Variants in PDE7B observed in about 807,000 individuals in gnomAD.
PDE7B encodes the protein phosphodiesterase 7B, also known as 3',5'-cyclic-AMP phosphodiesterase 7B.
In PDE7B, 29 loss-of-function variants were observed where a neutral mutation model predicts 56.2. The observed-to-expected ratio is 0.52, with a 90% confidence interval of 0.38 to 0.70. The LOEUF is 0.70. Among genes scored for constraint, PDE7B ranks in the 30% least tolerant of loss-of-function variants. The probability of loss-of-function intolerance (pLI) is 0.00; values close to 1 mark genes in which losing one functional copy is unlikely to be tolerated. For missense variants in PDE7B, 490 were observed against 565.0 expected, an observed-to-expected ratio of 0.87 and a Z score of 1.35; for synonymous variants, 197 against 196.9, an observed-to-expected ratio of 1.00 and a Z score of 0.00.
chr6:135,877,491 C>T (rs1775520546), intron 1 of PDE7B, among the ~76,000 whole-genome samples: 1 of 151,356 alleles, frequency 6.6e-6, no homozygotes, highest in East Asian at 1.9e-4. Context: ...AAGAAATTGG[C>T]TTGTCACTTC....
chr6:136,144,719 T>C (rs1778386685), intron 3 of PDE7B, among the ~76,000 whole-genome samples: 3 of 152,148 alleles, frequency 2.0e-5, no homozygotes, highest in Admixed American at 1.3e-4. Context: ...TTTCATGATA[T>C]TGACATTTTT....
chr6:136,069,786 T>C (rs529603842), intron 2 of PDE7B, among the ~76,000 whole-genome samples: 49 of 152,304 alleles, frequency 3.2e-4, no homozygotes, highest in Non-Finnish European at 6.0e-4. Context: ...TGAATTGCCT[T>C]GGTAAAAATA....
chr6:135,953,186 C>G (rs1185719581), intron 2 of PDE7B, among the ~76,000 whole-genome samples: 2 of 151,584 alleles, frequency 1.3e-5, no homozygotes, highest in African/African-American at 2.4e-5. Flanking sequence ...TTTTTTGGAA[C>G]TTTGTCAGCT....
At chr6:136,110,671 C>T (rs989863261) in intron 3 of PDE7B, among the ~76,000 whole-genome samples, 2 of 149,630 alleles carry the variant, frequency 1.3e-5, no homozygotes, top group African/African-American at 2.5e-5. Context: ...GCAGGTGGGA[C>T]AGTGGAATAT....
At chr6:135,974,102 G>C (rs1422640335) in intron 2 of PDE7B, among the ~76,000 whole-genome samples, 1 of 152,158 alleles carries the variant, frequency 6.6e-6, no homozygotes, top group African/African-American at 2.4e-5. Flanking sequence ...CAGATGCCTA[G>C]AGCAAGGCTA....
chr6:136,004,562 G>A (rs1775740065), intron 2 of PDE7B, among the ~76,000 whole-genome samples: 1 of 151,842 alleles, frequency 6.6e-6, no homozygotes, highest in Middle Eastern at 3.4e-3. Context: ...ACCAATAACA[G>A]ACAAACAGAG....
intron 2 of PDE7B, among the ~76,000 whole-genome samples, chr6:136,087,359 CATAAGAAAAAT>C (rs1422937775): frequency 1.3e-5 from 2 of 151,682 alleles, no homozygotes; most frequent in Non-Finnish European, 2.9e-5. Flanking sequence ...CAATGACAGA[CATAAGAAAAAT>C]ATAAGAATAA....
chr6:135,947,636 C>CT lies in PDE7B; in HGVS notation c.82+116dup, dbSNP rs1774616603. On this transcript the variant is annotated intron_variant, in intron 2 of 12. Transcript: ENST00000308191. ...TCTGTTTTGAAGAGGCTGATAGGTT[C>CT]TTTTGTGGTTATGCAGACAGCTATA... is the stretch of plus-strand genomic sequence containing the variant. 32 of 748,516 alleles carry CT rather than the reference C, an allele frequency of 4.3e-5. 1 individual carries two copies. The South Asian group carries it at 4.8e-4, about 11-fold the overall frequency. 46.4% of individuals were successfully genotyped at this position (748,516 alleles called of 1,614,324 possible). A position where few individuals can be genotyped will look rare whatever the true frequency, so the allele number is the denominator to read the frequency against.
chr6:136,015,323 C>A (rs1009215686), intron 2 of PDE7B, among the ~76,000 whole-genome samples: 1 of 152,160 alleles, frequency 6.6e-6, no homozygotes, highest in Non-Finnish European at 1.5e-5. Context: ...GCGGATATAA[C>A]CCTTGCCTTT....
At chr6:135,899,670 T>G (rs1208064984) in intron 1 of PDE7B, among the ~76,000 whole-genome samples, 2 of 151,944 alleles carry the variant, frequency 1.3e-5, no homozygotes, top group African/African-American at 4.8e-5. Context: ...AAATAGTAAT[T>G]CTTATTTATG....
intron 8 of PDE7B, among the ~76,000 whole-genome samples, chr6:136,167,292 C>G (rs1014067871): frequency 6.6e-6 from 1 of 152,116 alleles, no homozygotes; most frequent in Non-Finnish European, 1.5e-5. Flanking sequence ...GCCTGTCTCT[C>G]CCCATCTGAT....
intron 2 of PDE7B, among the ~76,000 whole-genome samples, chr6:135,989,898 T>A (rs1011740882): frequency 6.6e-6 from 1 of 152,122 alleles, no homozygotes; most frequent in Admixed American, 6.5e-5. Flanking sequence ...AATTTGAATA[T>A]TGATTATGTC....
At chr6:135,955,619 T>G (rs145866432) in intron 2 of PDE7B, among the ~76,000 whole-genome samples, 1 of 152,040 alleles carries the variant, frequency 6.6e-6, no homozygotes, top group African/African-American at 2.4e-5. Flanking sequence ...CAAGGGGAGA[T>G]ACACACTTTA....
At chr6:135,961,390 G>C (rs1774900196) in intron 2 of PDE7B, among the ~76,000 whole-genome samples, 1 of 150,724 alleles carries the variant, frequency 6.6e-6, no homozygotes, top group Non-Finnish European at 1.5e-5. Flanking sequence ...GTGTACAAAA[G>C]TCCCACAAAT....
At position 135,936,358 on chromosome 6, in the gene PDE7B, T is replaced by G. The variant is rs1000878251; in HGVS notation, c.22-11106T>G. 2.0e-5 allele frequency among the ~76,000 whole-genome samples: 3 copies of G among 152,222 alleles called. No individual in the cohort carries two copies. The South Asian group carries it at 6.2e-4, about 31-fold the overall frequency. On this transcript the variant is annotated intron_variant, in intron 1 of 12. Coordinates refer to ENST00000308191, the MANE Select transcript of PDE7B (RefSeq NM_018945.4). ...TATTATCTATTAACCTTTTGCTATC[T>G]GTAGGGTCTTATAAAGTAGCTTGAC...
intron 1 of PDE7B, 66 bp downstream of exon 1, chr6:135,852,085 C>G (rs1774951493): frequency 2.8e-6 from 3 of 1,086,060 alleles, no homozygotes; most frequent in Non-Finnish European, 4.3e-6. Flanking sequence ...AGAGAGATGG[C>G]AGGATTTTTA....
chr6:136,005,600 A>C lies in PDE7B; in HGVS notation c.82+58076A>C, dbSNP rs950898311. ...ATTTGTGCAGCCAAAAAACACATGA[A>C]AAAATGCTCACCTTCACTGGCCATC... On this transcript the variant is annotated intron_variant, in intron 2 of 12. Coordinates refer to ENST00000308191, the MANE Select transcript of PDE7B (RefSeq NM_018945.4). Among the ~76,000 whole-genome samples the C allele has an allele frequency of 2.0e-5, 3 of 152,376 alleles. No homozygotes were observed. In the South Asian group the frequency reaches 6.2e-4, roughly 32 times the overall value.
intron 1 of PDE7B, among the ~76,000 whole-genome samples, chr6:135,898,462 A>C (rs571247292): frequency 5.3e-5 from 8 of 152,290 alleles, no homozygotes; most frequent in South Asian, 2.1e-4. Context: ...CCAGAGACAG[A>C]ATATTTTGTT....
intron 2 of PDE7B, among the ~76,000 whole-genome samples, chr6:135,973,170 A>G (rs1357157900): frequency 6.6e-6 from 1 of 151,156 alleles, no homozygotes; most frequent in African/African-American, 2.5e-5. Context: ...CCGGTATTCT[A>G]CTATTTGATT....
Sources: allele counts gnomAD v4.1 joint callset (sites outside exome capture counted in the v4.1 genomes callset), GRCh38; gene constraint gnomAD v4.1.1; transcripts MANE v1.5; gene names NCBI Gene and HGNC (gene_info 2026-07-23, HGNC 2026-07-21).